NBAS: variants seen among roughly 807,000 people sequenced by gnomAD.
The protein encoded by NBAS is NAG/BC035112 fusion.
A neutral mutation model predicts 302.5 loss-of-function variants in NBAS; 219 were observed. The observed-to-expected ratio is 0.72, with a 90% CI of 0.65 to 0.81. NBAS has a LOEUF of 0.81. Ranked by LOEUF, NBAS falls within the 30% of genes least tolerant of loss-of-function variation. The pLI, the probability that NBAS is intolerant of heterozygous loss-of-function variation, is 0.00. For missense variants in NBAS, 2,932 were observed against 2,841.6 expected, an observed-to-expected ratio of 1.03 and a Z score of -0.72; for synonymous variants, 1,118 against 1,021.6, an observed-to-expected ratio of 1.09 and a Z score of -1.80.
the NBAS span, among the ~76,000 whole-genome samples, chr2:14,827,959 A>G: frequency 6.6e-6 from 1 of 152,194 alleles, no homozygotes; most frequent in Non-Finnish European, 1.5e-5. Flanking sequence ...TAAAAAAAAG[A>G]CACTTTGAAA....
chr2:15,560,966 A>G (rs1016477078), intron 1 of NBAS, among the ~76,000 whole-genome samples: 36 of 152,224 alleles, frequency 2.4e-4, no homozygotes, highest in African/African-American at 7.9e-4. Context: ...CCAGCCCCCA[A>G]CAACCGAATT....
At chr2:15,097,872 G>T in the NBAS span, among the ~76,000 whole-genome samples, 1 of 133,214 alleles carries the variant, frequency 7.5e-6, no homozygotes. Flanking sequence ...CCTAACACAT[G>T]GTAAGTGTCC....
the NBAS span, among the ~76,000 whole-genome samples, chr2:14,822,072 A>G: frequency 6.6e-6 from 1 of 152,042 alleles, no homozygotes; most frequent in African/African-American, 2.4e-5. Flanking sequence ...AATGACACCC[A>G]AAAATGTTAT....
Position 15,539,265 on chromosome 2 carries a change from C to A in NBAS, c.471G>T (p.Arg157Ser), listed in dbSNP as rs769060547. 6.2e-7 allele frequency: 1 copy of A among 1,614,212 alleles called. No individual in the cohort carries two copies. Among genetic ancestry groups the A allele is most frequent in the Middle Eastern group, 1.6e-4 (1 of 6,062 alleles). Residue 157 changes from arginine to serine, a missense_variant, in exon 7 of 52, where the codon AGG (arginine) becomes AGT (serine). By Grantham distance (110) the Arg-to-Ser change is moderately radical. Transcript: ENST00000281513. ...GTTCACTTCCCATGAGATCAAACAC[C>A]CTCACAGTTCCTGTGCTTTCGGCAT... ...LAYAESTGTV[R>S]VFDLMGSELF...
At chr2:15,236,317 G>T (rs560278664) in intron 45 of NBAS, among the ~76,000 whole-genome samples, 62 of 152,028 alleles carry the variant, frequency 4.1e-4, no homozygotes, top group African/African-American at 1.4e-3. Flanking sequence ...GAAGGCCAAG[G>T]TGGGCGAGTA....
the NBAS span, among the ~76,000 whole-genome samples, chr2:14,811,833 A>G: frequency 5.1e-3 from 776 of 152,284 alleles, 12 homozygotes; most frequent in African/African-American, 0.018. Context: ...GCAGAATAGA[A>G]CTGACATAAC....
the NBAS span, among the ~76,000 whole-genome samples, chr2:14,788,220 C>T: frequency 1.3e-5 from 2 of 152,136 alleles, no homozygotes; most frequent in Middle Eastern, 3.2e-3. Flanking sequence ...GTTATACATT[C>T]GTCTAAATTT....
chr2:14,956,679 G>A, the NBAS span, among the ~76,000 whole-genome samples: 1 of 152,090 alleles, frequency 6.6e-6, no homozygotes, highest in South Asian at 2.1e-4. Flanking sequence ...TCAAGCAAAG[G>A]GGGAAGCCCC....
the NBAS span, among the ~76,000 whole-genome samples, chr2:14,885,461 C>A: frequency 1.3e-5 from 2 of 152,148 alleles, no homozygotes; most frequent in Non-Finnish European, 2.9e-5. Context: ...CATCAACACT[C>A]CATTCTGATG....
chr2:14,792,009 T>C, the NBAS span, among the ~76,000 whole-genome samples: 3 of 151,870 alleles, frequency 2.0e-5, no homozygotes, highest in Non-Finnish European at 4.4e-5. Context: ...AGGACATCAA[T>C]AGGGGGAACC....
the NBAS span, among the ~76,000 whole-genome samples, chr2:15,006,465 G>A: frequency 0.015 from 2,228 of 152,006 alleles, 64 homozygotes; most frequent in African/African-American, 0.051. Flanking sequence ...TTATTAAGAT[G>A]GTTTTACTAA....
chr2:15,264,696 A>G (rs1668996327), intron 44 of NBAS, among the ~76,000 whole-genome samples: 1 of 152,196 alleles, frequency 6.6e-6, no homozygotes, highest in East Asian at 1.9e-4. Context: ...GGGAGCAGTT[A>G]TCTAACTTCC....
intron 47 of NBAS, among the ~76,000 whole-genome samples, chr2:15,231,038 T>C (rs754498377): frequency 2.5e-4 from 38 of 152,210 alleles, no homozygotes; most frequent in Non-Finnish European, 4.3e-4. Flanking sequence ...CTTCCCATTC[T>C]ATAGCACAGT....
chr2:15,444,736 A>C (rs1370937376), intron 21 of NBAS, among the ~76,000 whole-genome samples: 4 of 151,164 alleles, frequency 2.6e-5, no homozygotes, highest in African/African-American at 4.8e-5. Context: ...AATGGGAGAA[A>C]ATTTTCGCAA....
rs567404275 is a variant in NBAS at position 15,327,023 on chromosome 2, T to C, written c.4582+727A>G. On this transcript the variant is annotated intron_variant, in intron 38 of 51. Transcript: ENST00000281513. ...TAACAGACGGCACTGCCCAGGCTTA[T>C]TGGCAGTTAGAGGTGGCCAGTAATA... is the stretch of plus-strand genomic sequence containing the variant. 2.6e-5 allele frequency among the ~76,000 whole-genome samples: 4 copies of C among 152,272 alleles called. No homozygotes were observed. The South Asian group carries it at 6.2e-4, about 24-fold the overall frequency.
At chr2:15,197,112 C>T (rs961456198) in intron 48 of NBAS, among the ~76,000 whole-genome samples, 1 of 152,000 alleles carries the variant, frequency 6.6e-6, no homozygotes, top group Non-Finnish European at 1.5e-5. Flanking sequence ...CAGTAGAAAG[C>T]AAACTAAGTT....
intron 44 of NBAS, among the ~76,000 whole-genome samples, chr2:15,240,446 C>CAAAAAAAA (rs1175235771): frequency 1.2e-4 from 9 of 75,366 alleles, no homozygotes; most frequent in East Asian, 2.7e-4. Context: ...ACTAAAAATA[C>CAAAAAAAA]AAAAAAAAAA....
the NBAS span, among the ~76,000 whole-genome samples, chr2:15,016,054 G>T: frequency 1.3e-5 from 2 of 151,994 alleles, no homozygotes; most frequent in Non-Finnish European, 2.9e-5. Context: ...AAAATACCTT[G>T]TATATTAGTT....
chr2:15,473,479 C>T (rs948936832), intron 15 of NBAS, 132 bp from the exon 16 acceptor site: 7 of 1,157,526 alleles, frequency 6.0e-6, no homozygotes, highest in Non-Finnish European at 8.7e-6. Flanking sequence ...CACTGTGGCA[C>T]CAGAAGCTCA....
Sources: gnomAD v4.1 joint callset for allele counts (sites outside exome capture counted in the v4.1 genomes callset) on GRCh38, gnomAD v4.1.1 for gene constraint, MANE v1.5 for transcripts, NCBI Gene and HGNC (gene_info 2026-07-23, HGNC 2026-07-21) for gene names.